Variants in ZDBF2 observed in about 807,000 individuals in gnomAD.
ZDBF2 encodes DBF4-type zinc finger-containing protein 2.
Under a neutral mutation model 9.4 loss-of-function variants are expected in ZDBF2, and 6 were observed. The ratio of observed to expected loss-of-function variants is 0.64; its 90% CI spans 0.35 to 1.27. ZDBF2 has a LOEUF of 1.27. ZDBF2 is among the 50% of genes most tolerant of loss of function. ZDBF2 has a pLI of 0.03. For synonymous variants in ZDBF2, 905 were observed against 946.3 expected (o/e 0.96, Z 0.80); for missense variants, 2,697 against 2,766.8 (o/e 0.97, Z 0.57).
chr2:206,309,453 G>A lies in ZDBF2; in HGVS notation c.4925G>A (p.Gly1642Glu), dbSNP rs1207189044. 1 of 1,613,814 alleles carries A rather than the reference G, an allele frequency of 6.2e-7. No homozygotes were observed. Among genetic ancestry groups the A allele is most frequent in the Admixed American group, 1.7e-5 (1 of 59,976 alleles). ...SDQSMTYESQ[G>E]PDEKMVKYID... ...CAGTCCATGACTTACGAGTCACAAGGACCTGATGAGAAAATGGTGAAATAT... is the reference window on the plus strand; with the variant it reads ...CAGTCCATGACTTACGAGTCACAAGAACCTGATGAGAAAATGGTGAAATAT... Residue 1642 changes from glycine (G) to glutamate (E), a missense_variant, in exon 5 of 5, where the codon GGA (glycine) becomes GAA (glutamate). By Grantham distance (98) the Gly-to-Glu change is moderately conservative. Coordinates refer to ENST00000374423, the MANE Select transcript of ZDBF2 (RefSeq NM_020923.3).
Position 206,309,757 on chromosome 2 carries a change from G to C in ZDBF2, c.5229G>C (p.Pro1743=). 2 of 1,613,902 alleles carry C rather than the reference G, an allele frequency of 1.2e-6. No homozygotes were observed. The highest frequency in any genetic ancestry group is 1.7e-6 in the Non-Finnish European group (2 of 1,179,864). ...KHRDLEVSCE[P]DGFEMNFQCA... ...GAGATCTAGAAGTGAGCTGTGAACC[G>C]GATGGTTTTGAGATGAATTTTCAGT... The change falls in exon 5 of 5, where the codon CCG becomes CCC. Residue 1743 remains proline, a synonymous_variant. Transcript: ENST00000374423.
In ZDBF2 at chr2:206,306,578, G is replaced by A. The variant is rs867975068; in HGVS notation, c.2050G>A (p.Glu684Lys). 9.9e-6 allele frequency: 16 copies of A among 1,613,496 alleles called. No homozygotes were observed. The East Asian group carries it at 1.1e-4, about 11-fold the overall frequency. Residue 684 changes from glutamate to lysine, a missense_variant, in exon 5 of 5, where the codon GAA becomes AAA. Around this residue, in one of 3 missense-constraint regions of ZDBF2, gnomAD observed 910 missense variants for 973.6 expected, o/e 0.93. Transcript: ENST00000374423. Reference protein sequence around the residue: ...AQLADQSQVAEIERQKVDVDL... With the variant: ...AQLADQSQVAKIERQKVDVDL... ...ATTAGCTGACCAGTCTCAAGTAGCC[G>A]AAATAGAGCGTCAGAAAGTGGATGT...
At chr2:206,293,058 A>G (rs1328418173) in intron 3 of ZDBF2, among the ~76,000 whole-genome samples, 2 of 152,166 alleles carry the variant, frequency 1.3e-5, no homozygotes, top group African/African-American at 4.8e-5. Flanking sequence ...ATCAGATACT[A>G]AAACTTATGA....
At position 206,314,011 on chromosome 2, in the gene ZDBF2, A is replaced by G. The variant is rs1693296665; in HGVS notation, c.*2418A>G. 6.6e-6 allele frequency: 1 copy of G among 152,198 alleles called. No homozygotes were observed. Among genetic ancestry groups the G allele is most frequent in the Non-Finnish European group, 1.5e-5 (1 of 68,012 alleles). The allele number at this position is 152,198 out of a possible 1,614,324, so 9.4% of individuals were successfully genotyped here. On this transcript the variant is annotated 3_prime_UTR_variant, in exon 5 of 5. Coordinates refer to ENST00000374423, the MANE Select transcript of ZDBF2 (RefSeq NM_020923.3). ...AAGATGTGCCCCTTTGTCTAAATAA[A>G]TGTTGGCTTAATTTGCAGAATAGAT... is the stretch of plus-strand genomic sequence containing the variant.
At position 206,310,755 on chromosome 2, in the gene ZDBF2, G is replaced by T; in HGVS notation, c.6227G>T (p.Arg2076Leu). 6.2e-7 allele frequency: 1 copy of T among 1,613,838 alleles called. No individual in the cohort carries two copies. The highest frequency in any genetic ancestry group is 8.5e-7 in the Non-Finnish European group (1 of 1,179,852). ...LSVIVPEFERRNWVKIHFNRS... is the reference protein window; with the variant it reads ...LSVIVPEFERLNWVKIHFNRS... ...GTAATAGTACCAGAGTTTGAGAGGCGTAACTGGGTTAAAATTCATTTTAAT... is the reference window on the plus strand; with the variant it reads ...GTAATAGTACCAGAGTTTGAGAGGCTTAACTGGGTTAAAATTCATTTTAAT... Residue 2076 changes from arginine to leucine, a missense_variant, in exon 5 of 5, where the codon CGT becomes CTT. Arg to Leu is a moderately radical substitution (Grantham distance 102, BLOSUM62 -2). This residue lies in a region of ZDBF2 where 1,783 missense variants were observed against 1,776.5 expected (regional missense o/e 1.00). Transcript: ENST00000374423.
At position 206,312,898 on chromosome 2, in the gene ZDBF2, G is replaced by T. The variant is rs1168632583; in HGVS notation, c.*1305G>T. On this transcript the variant is annotated 3_prime_UTR_variant, in exon 5 of 5. Transcript: ENST00000374423. The stretch of plus-strand genomic sequence containing the variant: ...TACATTAGTTTGTCTTTAACTATTT[G>T]TTAACAGATTTTAACAGTTCAAATG... 2 of 152,182 alleles carry T rather than the reference G, an allele frequency of 1.3e-5. No individual in the cohort carries two copies. The allele number at this position is 152,182 out of a possible 1,614,324, so 9.4% of individuals were successfully genotyped here.
At chr2:206,285,126 T>C (rs1691533439) in intron 3 of ZDBF2, among the ~76,000 whole-genome samples, 1 of 152,240 alleles carries the variant, frequency 6.6e-6, no homozygotes, top group African/African-American at 2.4e-5. Flanking sequence ...TGCAGATATC[T>C]CCTTGATATA....
rs1257812768 is a variant in ZDBF2, at chr2:206,305,541, AT to A, written c.1015del (p.Cys339ValfsTer22). 1 of 1,613,590 alleles carries A rather than the reference AT, an allele frequency of 6.2e-7. No individual in the cohort carries two copies. Among genetic ancestry groups the A allele is most frequent in the Non-Finnish European group, 8.5e-7 (1 of 1,179,800 alleles). ...KNHEEFFSNM[D>X]CTQEEKHLVF... Reference sequence around the variant, plus strand: ...CATGAGGAATTCTTTTCTAACATGGATTGTACCCAAGAAGAAAAGCATTTGG... The same window carrying A: ...CATGAGGAATTCTTTTCTAACATGGATGTACCCAAGAAGAAAAGCATTTGG... On this transcript the variant is annotated frameshift_variant, in exon 5 of 5. Transcript: ENST00000374423. LOFTEE classifies it low-confidence loss of function (END_TRUNC).
intron 4 of ZDBF2, among the ~76,000 whole-genome samples, chr2:206,300,503 A>G (rs920312341): frequency 2.6e-5 from 4 of 152,288 alleles, no homozygotes; most frequent in South Asian, 4.1e-4. Context: ...GGGCGTGAAT[A>G]TCTTAGAATC....
At chr2:206,278,157 T>C (rs902355955) in intron 1 of ZDBF2, among the ~76,000 whole-genome samples, 8 of 152,186 alleles carry the variant, frequency 5.3e-5, no homozygotes, top group Non-Finnish European at 7.4e-5. Flanking sequence ...GGTGGGTAGA[T>C]TATGGCTGAT....
In ZDBF2 at chr2:206,311,730, G is replaced by T; in HGVS notation, c.*137G>T. 2.1e-6 allele frequency: 2 copies of T among 944,454 alleles called. No homozygotes were observed. Among genetic ancestry groups the T allele is most frequent in the Non-Finnish European group, 2.8e-6 (2 of 711,086 alleles). The allele number at this position is 944,454 out of a possible 1,614,324, so 58.5% of individuals were successfully genotyped here. A position where few individuals can be genotyped will look rare whatever the true frequency, so the allele number is the denominator to read the frequency against. Reference sequence around the variant, plus strand: ...ATTTTGCTATAAATATTATTTTTCAGAATTTTTATATTCATTTAAAATTAG... The same window carrying T: ...ATTTTGCTATAAATATTATTTTTCATAATTTTTATATTCATTTAAAATTAG... On this transcript the variant is annotated 3_prime_UTR_variant, in exon 5 of 5. Coordinates refer to ENST00000374423, the MANE Select transcript of ZDBF2 (RefSeq NM_020923.3).
In ZDBF2 at chr2:206,308,918, T is replaced by A. The variant is rs1692978274; in HGVS notation, c.4390T>A (p.Ser1464Thr). Residue 1464 changes from serine (S) to threonine (T), a missense_variant, in exon 5 of 5, where the codon TCA becomes ACA. Around this residue, in one of 3 missense-constraint regions of ZDBF2, gnomAD observed 1,783 missense variants for 1,776.5 expected, o/e 1.00. Coordinates refer to ENST00000374423, the MANE Select transcript of ZDBF2 (RefSeq NM_020923.3). Reference sequence around the variant, plus strand: ...ATGTCATTCTTGTGTTCATCTTCAGTCAGAAGTTGACCAACCTCAAGTGTC... The same window carrying A: ...ATGTCATTCTTGTGTTCATCTTCAGACAGAAGTTGACCAACCTCAAGTGTC... Reference protein sequence around the residue: ...IKCHSCVHLQSEVDQPQVSYK... With the variant: ...IKCHSCVHLQTEVDQPQVSYK... The A allele has an allele frequency of 1.1e-5, 17 of 1,612,938 alleles. No individual in the cohort carries two copies. The highest frequency in any genetic ancestry group is 1.4e-5 in the Non-Finnish European group (17 of 1,179,410).
chr2:206,289,353 C>T (rs892862568), intron 3 of ZDBF2, among the ~76,000 whole-genome samples: 3 of 152,102 alleles, frequency 2.0e-5, no homozygotes, highest in African/African-American at 2.4e-5. Flanking sequence ...CAGGATGCTA[C>T]TTCAACCTAG....
rs1422325441 is a variant in ZDBF2, at chr2:206,307,787, C to G, written c.3259C>G (p.Leu1087Val). The change falls in exon 5 of 5, where the codon CTT becomes GTT. Residue 1087 changes from leucine to valine, a missense_variant. Leu to Val is a conservative substitution (Grantham distance 32). Coordinates refer to ENST00000374423, the MANE Select transcript of ZDBF2 (RefSeq NM_020923.3). The part of the protein sequence containing the change: ...DSKITFDSEQ[L>V]QEAVKKIDQW... ...TAAAATAACTTTTGATTCTGAACAA[C>G]TTCAGGAAGCGGTTAAAAAAATAGA... is the stretch of plus-strand genomic sequence containing the variant. 3 of 1,610,102 alleles carry G rather than the reference C, an allele frequency of 1.9e-6. No individual in the cohort carries two copies. The South Asian group carries it at 3.3e-5, about 18-fold the overall frequency.
intron 1 of ZDBF2, among the ~76,000 whole-genome samples, chr2:206,275,356 C>G (rs1342162832): frequency 6.6e-6 from 1 of 152,184 alleles, no homozygotes; most frequent in African/African-American, 2.4e-5. Flanking sequence ...AGCCACCTGT[C>G]CACACACCCC....
chr2:206,289,672 CA>C (rs1416379885), intron 3 of ZDBF2, among the ~76,000 whole-genome samples: 4 of 152,206 alleles, frequency 2.6e-5, no homozygotes, highest in African/African-American at 9.7e-5. Context: ...ACATGGGTCA[CA>C]GGGGTCAGGG....
intron 4 of ZDBF2, among the ~76,000 whole-genome samples, chr2:206,297,656 G>A (rs973201187): frequency 1.3e-5 from 2 of 151,990 alleles, no homozygotes; most frequent in Admixed American, 6.6e-5. Flanking sequence ...TAAGCAGGGG[G>A]AAAAGGAGGA....
rs971770504 is a variant in ZDBF2, at chr2:206,313,811, A to G, written c.*2218A>G. The G allele has an allele frequency of 2.0e-5, 3 of 152,174 alleles. No individual in the cohort carries two copies. Among genetic ancestry groups the G allele is most frequent in the Non-Finnish European group, 4.4e-5 (3 of 67,988 alleles). 9.4% of individuals were successfully genotyped at this position (152,174 alleles called of 1,614,324 possible). ...GGGAGAAGGTTTATATTTAAATTTT[A>G]TATTACCAGACATAAAAGTACAGTG... On this transcript the variant is annotated 3_prime_UTR_variant, in exon 5 of 5. Transcript: ENST00000374423.
rs774317539 is a variant in ZDBF2, at chr2:206,310,992, T to A, written c.6464T>A (p.Val2155Asp). The A allele has an allele frequency of 1.4e-5, 23 of 1,613,046 alleles. No homozygotes were observed. Among genetic ancestry groups the A allele is most frequent in the Non-Finnish European group, 1.9e-5 (23 of 1,179,734 alleles). ...NFQLTFLNHDVVKISPKSVRN... is the reference protein window; with the variant it reads ...NFQLTFLNHDDVKISPKSVRN... ...CAGCTAACATTTTTAAATCATGATG[T>A]TGTCAAAATCTCTCCAAAATCAGTT... The change falls in exon 5 of 5, where the codon GTT becomes GAT. Residue 2155 changes from valine to aspartate, a missense_variant. Coordinates refer to ENST00000374423, the MANE Select transcript of ZDBF2 (RefSeq NM_020923.3).
Sources: allele counts gnomAD v4.1 joint callset (sites outside exome capture counted in the v4.1 genomes callset), GRCh38; gene constraint gnomAD v4.1.1; regional missense constraint gnomAD v4.1.1; transcripts MANE v1.5; gene names NCBI Gene and HGNC (gene_info 2026-07-23, HGNC 2026-07-21).